NBPF20: variants seen among roughly 807,000 people sequenced by gnomAD.
NBPF20 encodes NBPF family member NBPF20.
A neutral mutation model predicts 68.1 loss-of-function variants in NBPF20; 90 were observed. The ratio of observed to expected loss-of-function variants is 1.32; its 90% CI spans 1.11 to 1.58. The LOEUF (loss-of-function observed/expected upper bound fraction) is 1.58, where lower values mean the gene tolerates loss of function less well. Ranked by LOEUF, NBPF20 falls within the 40% of genes most tolerant of loss-of-function variation. NBPF20 has a pLI of 0.00. For missense variants in NBPF20, 816 were observed against 601.2 expected (o/e 1.36, Z -3.74); for synonymous variants, 290 against 228.1 (o/e 1.27, Z -2.45).
the NBPF20 span, among the ~76,000 whole-genome samples, chr1:145,413,508 G>A: frequency 6.6e-6 from 1 of 152,126 alleles, no homozygotes; most frequent in African/African-American, 2.4e-5. Context: ...AAACAAGATG[G>A]ATGAATCTCA....
At chr1:145,422,163 C>T in the NBPF20 span, among the ~76,000 whole-genome samples, 2 of 151,170 alleles carry the variant, frequency 1.3e-5, no homozygotes, top group Non-Finnish European at 3.0e-5. Context: ...ATAAAGTTTT[C>T]CTGGTAATTA....
At chr1:145,398,346 G>T (rs1382927923) in intron 7 of NBPF20, among the ~76,000 whole-genome samples, 8 of 151,754 alleles carry the variant, frequency 5.3e-5, no homozygotes, top group Non-Finnish European at 7.4e-5. Flanking sequence ...GCACTCGTCA[G>T]CAAATGTAAA....
rs587698482 is a variant in NBPF20, at chr1:145,292,002, G to A, written c.16698-233C>T. Among the ~76,000 whole-genome samples, 321 of 149,942 alleles carry A rather than the reference G, an allele frequency of 2.1e-3. 1 individual carries two copies. Among genetic ancestry groups the A allele is most frequent in the Non-Finnish European group, 3.8e-3 (257 of 68,000 alleles). On this transcript the variant is annotated intron_variant, in intron 137 of 137. Coordinates refer to ENST00000369373, the Ensembl canonical transcript of NBPF20. ...ACAGAGACAGAGAGAGAGAGAAAGTGACCTAGTGAATTGCCCAGGTGACAT... is the reference window on the plus strand; with the variant it reads ...ACAGAGACAGAGAGAGAGAGAAAGTAACCTAGTGAATTGCCCAGGTGACAT...
chr1:145,291,825 C>A lies in NBPF20; in HGVS notation c.16698-56G>T, dbSNP rs879981440. 7 of 1,611,350 alleles carry A rather than the reference C, an allele frequency of 4.3e-6. No individual in the cohort carries two copies. In the African/African-American group the frequency reaches 5.4e-5, roughly 12 times the overall value. On this transcript the variant is annotated intron_variant, in intron 137 of 137. Coordinates refer to ENST00000369373, the Ensembl canonical transcript of NBPF20. Reference sequence around the variant, plus strand: ...CCAGGGAAAATCAGAAACCACAGAGCCCCACTAGATTTCAGAAGTCACATA... The same window carrying A: ...CCAGGGAAAATCAGAAACCACAGAGACCCACTAGATTTCAGAAGTCACATA...
At chr1:145,394,437 A>G (rs1299570672) in intron 8 of NBPF20, among the ~76,000 whole-genome samples, 22 of 152,098 alleles carry the variant, frequency 1.4e-4, no homozygotes, top group Admixed American at 8.5e-4. Flanking sequence ...TTTATCTAGA[A>G]AACATACCAG....
the NBPF20 span, among the ~76,000 whole-genome samples, chr1:145,410,604 C>T: frequency 6.6e-6 from 1 of 151,076 alleles, no homozygotes; most frequent in Non-Finnish European, 1.5e-5. Flanking sequence ...TGAGCCACCG[C>T]GCCCGGCCCC....
intron 8 of NBPF20, 115 bp from the exon 14 acceptor site, chr1:145,394,050 G>A (rs1169627279): frequency 1.9e-5 from 14 of 733,476 alleles, no homozygotes; most frequent in Admixed American, 1.1e-4. Flanking sequence ...GTGAGAACAG[G>A]AGACTTTGAG....
chr1:145,342,794 C>T (rs1363691158), intron 73 of NBPF20, among the ~76,000 whole-genome samples: 1 of 116,398 alleles, frequency 8.6e-6, no homozygotes, highest in Non-Finnish European at 1.8e-5. Context: ...CACACACACA[C>T]AGACACACAC....
At chr1:145,412,229 T>C in the NBPF20 span, among the ~76,000 whole-genome samples, 1 of 151,958 alleles carries the variant, frequency 6.6e-6, no homozygotes, top group Non-Finnish European at 1.5e-5. Flanking sequence ...GCTCTGATAT[T>C]CTGTGACTCT....
rs781824778 is a variant in NBPF20, at chr1:145,405,292, G to A, written c.-20C>T. The A allele has an allele frequency of 3.1e-6, 5 of 1,601,360 alleles. No individual in the cohort carries two copies. The South Asian group carries it at 5.5e-5, about 18-fold the overall frequency. ...CACCATGCTGACGTTTGTGGCAGAA[G>A]AGGTGGAGTCAGGGACTGGGGAGAA... On this transcript the variant is annotated 5_prime_UTR_variant, in exon 2 of 138. Coordinates refer to ENST00000369373, the Ensembl canonical transcript of NBPF20.
exon 138 of NBPF20, chr1:145,291,713 T>C (rs1553657720): frequency 6.2e-7 from 1 of 1,611,888 alleles, no homozygotes; most frequent in Non-Finnish European, 8.5e-7. Context: ...ATAACATCCA[T>C]CCAGTGAGTC....
rs1329305198 is a variant in NBPF20, at chr1:145,400,257, A to G, written c.775+129T>C. 5.1e-6 allele frequency: 8 copies of G among 1,583,032 alleles called. No individual in the cohort carries two copies. In the African/African-American group the frequency reaches 9.4e-5, roughly 19 times the overall value. On this transcript the variant is annotated intron_variant, in intron 6 of 137. Coordinates refer to ENST00000369373, the Ensembl canonical transcript of NBPF20. Reference sequence around the variant, plus strand: ...GACATTAGCTGAGAAGGACAAAAAAAGTCCCTGATATCTGTTTAGAAACCC... The same window carrying G: ...GACATTAGCTGAGAAGGACAAAAAAGGTCCCTGATATCTGTTTAGAAACCC...
At chr1:145,404,659 A>T (rs1395064605) in intron 2 of NBPF20, among the ~76,000 whole-genome samples, 37 of 152,302 alleles carry the variant, frequency 2.4e-4, no homozygotes, top group South Asian at 6.2e-4. Flanking sequence ...TACTATCACC[A>T]AGTTTCCCTC....
At chr1:145,393,716 G>T in intron 9 of NBPF20, 168 bp downstream of exon 14, 1 of 1,491,830 alleles carries the variant, frequency 6.7e-7, no homozygotes, top group Non-Finnish European at 9.2e-7. Context: ...AGGAAGAAAT[G>T]GAAACCTAAA....
exon 138 of NBPF20, chr1:145,291,675 G>C (rs782773208): frequency 1.2e-6 from 2 of 1,611,912 alleles, no homozygotes; most frequent in Non-Finnish European, 8.5e-7. Flanking sequence ...AATGAGTCAG[G>C]TAGTTCAAAG....
upstream of NBPF20, among the ~76,000 whole-genome samples, chr1:145,407,428 C>CGTATACATGTATACATGTATATACGT (rs1662843105): frequency 1.0e-4 from 15 of 144,520 alleles, no homozygotes; most frequent in African/African-American, 3.5e-4. Context: ...CATGTATACA[C>CGTATACATGTATACATGTATATACGT]GTATACATGT....
intron 9 of NBPF20, among the ~76,000 whole-genome samples, chr1:145,393,470 C>A (rs1253474744): frequency 6.6e-5 from 10 of 151,516 alleles, no homozygotes; most frequent in Admixed American, 6.6e-5. Context: ...CACACACACA[C>A]ACACACACAC....
Position 145,402,393 on chromosome 1 carries a change from C to G in NBPF20, c.279-12G>C, listed in dbSNP as rs1375830490. 15 of 1,601,808 alleles carry G rather than the reference C, an allele frequency of 9.4e-6. No homozygotes were observed. Among genetic ancestry groups the G allele is most frequent in the Non-Finnish European group, 1.1e-5 (13 of 1,170,782 alleles). On this transcript the variant is annotated splice_polypyrimidine_tract_variant and intron_variant, in intron 3 of 137. Coordinates refer to ENST00000369373, the Ensembl canonical transcript of NBPF20. ...GGACTTTATATTGCCTAAGGTGAGA[C>G]GGTAGAGAAAATTTAAGAGTGGAAA...
chr1:145,394,504 A>G (rs1553663258), intron 8 of NBPF20, among the ~76,000 whole-genome samples: 19 of 152,122 alleles, frequency 1.2e-4, no homozygotes, highest in Admixed American at 5.9e-4. Flanking sequence ...AGAAAATGGG[A>G]ATAAATTCAG....
Sources: gnomAD v4.1 joint callset for allele counts (sites outside exome capture counted in the v4.1 genomes callset) on GRCh38, gnomAD v4.1.1 for gene constraint, MANE v1.5 for transcripts, NCBI Gene and HGNC (gene_info 2026-07-23, HGNC 2026-07-21) for gene names.